GRK5: variants seen among roughly 807,000 people sequenced by gnomAD.
GRK5 encodes g protein-coupled receptor kinase GRK5.
GRK5 carries 40 observed loss-of-function variants against 78.4 expected under a neutral mutation model. The observed-to-expected ratio is 0.51, with a 90% CI of 0.40 to 0.66. The LOEUF (loss-of-function observed/expected upper bound fraction) is 0.66. Ranked by LOEUF, GRK5 falls within the 30% of genes least tolerant of loss-of-function variation. GRK5 has a pLI of 0.00. For synonymous variants in GRK5, 289 were observed against 296.8 expected (o/e 0.97, Z 0.27); for missense variants, 598 against 759.9 (o/e 0.79, Z 2.50).
At chr10:119,222,913 C>T (rs1848679328) in intron 1 of GRK5, among the ~76,000 whole-genome samples, 1 of 152,196 alleles carries the variant, frequency 6.6e-6, no homozygotes, top group African/African-American at 2.4e-5. Context: ...AAAGAGGCTC[C>T]AAAGCAGGAT....
chr10:119,215,916 A>G (rs1013071194), intron 1 of GRK5, among the ~76,000 whole-genome samples: 5 of 152,212 alleles, frequency 3.3e-5, no homozygotes, highest in African/African-American at 1.2e-4. Context: ...GGGGGTGAAG[A>G]CAGGCAAAAC....
At chr10:119,352,977 C>T (rs956620588) in intron 2 of GRK5, among the ~76,000 whole-genome samples, 1 of 152,224 alleles carries the variant, frequency 6.6e-6, no homozygotes, top group East Asian at 1.9e-4. Context: ...GTTTGCTTTT[C>T]ACTTCTTATC....
intron 2 of GRK5, among the ~76,000 whole-genome samples, chr10:119,359,967 G>T (rs1461361028): frequency 6.6e-6 from 1 of 151,784 alleles, no homozygotes; most frequent in Non-Finnish European, 1.5e-5. Context: ...GGCTTGAGGA[G>T]GCTGGGGAGG....
At chr10:119,291,932 T>TTTCCTCCTTTTTCCTCCTTCTC (rs1849973093) in intron 1 of GRK5, among the ~76,000 whole-genome samples, 3 of 89,406 alleles carry the variant, frequency 3.4e-5, no homozygotes, top group African/African-American at 9.4e-5. Flanking sequence ...TCCTCCTTCT[T>TTTCCTCCTTTTTCCTCCTTCTC]TTCCTCCTCT....
At position 119,333,879 on chromosome 10, in the gene GRK5, G is replaced by A. The variant is rs781609821; in HGVS notation, c.148+7268G>A. 37 of 528,966 alleles carry A rather than the reference G, an allele frequency of 7.0e-5. No individual in the cohort carries two copies. The Middle Eastern group carries it at 6.7e-3, about 96-fold the overall frequency. 32.8% of individuals were successfully genotyped at this position (528,966 alleles called of 1,614,324 possible). On this transcript the variant is annotated intron_variant, in intron 2 of 15. Transcript: ENST00000392870. Reference sequence around the variant, plus strand: ...AGAAAGTTCCACAGGGTATGGAGCAGGTTGCTGAGCTGCAGAACCAAGGCA... The same window carrying A: ...AGAAAGTTCCACAGGGTATGGAGCAAGTTGCTGAGCTGCAGAACCAAGGCA...
At chr10:119,313,080 G>GTAA (rs1268966606) in intron 1 of GRK5, among the ~76,000 whole-genome samples, 21 of 149,236 alleles carry the variant, frequency 1.4e-4, no homozygotes, top group East Asian at 9.7e-4. Context: ...GATGGTGGTG[G>GTAA]TGGTGGTGAT....
At chr10:119,315,830 T>C (rs1850477426) in intron 1 of GRK5, among the ~76,000 whole-genome samples, 1 of 152,168 alleles carries the variant, frequency 6.6e-6, no homozygotes, top group Non-Finnish European at 1.5e-5. Flanking sequence ...CCCAGACTGA[T>C]TCAGTTGCGT....
chr10:119,343,290 C>G (rs977877495), intron 2 of GRK5, among the ~76,000 whole-genome samples: 1 of 152,188 alleles, frequency 6.6e-6, no homozygotes, highest in African/African-American at 2.4e-5. Context: ...AGAGAGAACA[C>G]TTTTGGGTCA....
In GRK5 at chr10:119,336,324, G is replaced by T. The variant is rs1254843964; in HGVS notation, c.148+9713G>T. ...CTGCCCAGGCCCCTGCTCTGGCCCA[G>T]TGTGTTTCCTTGAAAGGACGTGTGT... On this transcript the variant is annotated intron_variant, in intron 2 of 15. Coordinates refer to ENST00000392870, the MANE Select transcript of GRK5 (RefSeq NM_005308.3). This position sits in a 1 kb window ranked among gnomAD's most constrained non-coding sequence, Gnocchi z 4.5. The T allele has an allele frequency of 6.6e-6, 1 of 152,220 alleles. No homozygotes were observed. The highest frequency in any genetic ancestry group is 1.5e-5 in the Non-Finnish European group (1 of 68,074). 9.4% of individuals were successfully genotyped at this position (152,220 alleles called of 1,614,324 possible). A position where few individuals can be genotyped will look rare whatever the true frequency, so the allele number is the denominator to read the frequency against.
At chr10:119,313,122 GTGA>G (rs1403798960) in intron 1 of GRK5, among the ~76,000 whole-genome samples, 6 of 146,260 alleles carry the variant, frequency 4.1e-5, no homozygotes, top group Non-Finnish European at 9.1e-5. Context: ...AGTGGTGATG[GTGA>G]TGATGGTAAT....
intron 4 of GRK5, among the ~76,000 whole-genome samples, chr10:119,400,614 G>A (rs73435054): frequency 0.13 from 19,805 of 152,116 alleles, 1,429 homozygotes; most frequent in Middle Eastern, 0.21. Flanking sequence ...TGCTGTGGGG[G>A]TGGGAATGGG....
chr10:119,384,164 G>C (rs1235367138), intron 3 of GRK5, among the ~76,000 whole-genome samples: 1 of 152,072 alleles, frequency 6.6e-6, no homozygotes, highest in Non-Finnish European at 1.5e-5. Flanking sequence ...AGCTCCCTCA[G>C]GCCTCCCTGC....
At chr10:119,344,228 G>C (rs1851035798) in intron 2 of GRK5, among the ~76,000 whole-genome samples, 1 of 151,482 alleles carries the variant, frequency 6.6e-6, no homozygotes, top group African/African-American at 2.4e-5. Context: ...TGTGCACAAC[G>C]TGTGGGTTTG....
Position 119,344,400 on chromosome 10 carries a change from A to G in GRK5, c.148+17789A>G, listed in dbSNP as rs772607739. 8.6e-5 allele frequency among the ~76,000 whole-genome samples: 13 copies of G among 152,018 alleles called. 1 individual carries two copies. The highest frequency in any genetic ancestry group is 1.9e-4 in the East Asian group (1 of 5,180). ...TGTGTCCAAGTGATCTCATTGTTCA[A>G]TTCCCACCTATGAGTGAGAACATGC... is the stretch of plus-strand genomic sequence containing the variant. On this transcript the variant is annotated intron_variant, in intron 2 of 15. Coordinates refer to ENST00000392870, the MANE Select transcript of GRK5 (RefSeq NM_005308.3).
chr10:119,313,929 C>G (rs1386196714), intron 1 of GRK5, among the ~76,000 whole-genome samples: 1 of 152,220 alleles, frequency 6.6e-6, no homozygotes. Flanking sequence ...GAGGAGGGGC[C>G]TGGAGGTGCT....
intron 1 of GRK5, among the ~76,000 whole-genome samples, chr10:119,277,964 T>A (rs1403019787): frequency 1.3e-5 from 2 of 152,246 alleles, no homozygotes; most frequent in Non-Finnish European, 2.9e-5. Context: ...ACTGTATCGA[T>A]AGACCACAGT....
chr10:119,301,278 G>A (rs1020653017), intron 1 of GRK5, among the ~76,000 whole-genome samples: 1 of 152,162 alleles, frequency 6.6e-6, no homozygotes, highest in Non-Finnish European at 1.5e-5. Context: ...TAACGCCATG[G>A]GTTAGTCTTG....
chr10:119,381,129 G>C (rs1851703708), intron 3 of GRK5, among the ~76,000 whole-genome samples: 1 of 152,238 alleles, frequency 6.6e-6, no homozygotes, highest in African/African-American at 2.4e-5. Context: ...GACCTTGGGT[G>C]GGCCCCCTCC....
At chr10:119,387,731 C>T (rs2133838995) in intron 3 of GRK5, among the ~76,000 whole-genome samples, 1 of 152,310 alleles carries the variant, frequency 6.6e-6, no homozygotes, top group East Asian at 1.9e-4. Context: ...CATCTTATCT[C>T]CACACTTGGG....
Sources: gnomAD v4.1 joint callset for allele counts (sites outside exome capture counted in the v4.1 genomes callset) on GRCh38, gnomAD v4.1.1 for gene constraint, Gnocchi (gnomAD v3.1) non-coding constraint, MANE v1.5 for transcripts, NCBI Gene and HGNC (gene_info 2026-07-23, HGNC 2026-07-21) for gene names.